Variants in SCAF4 observed in about 807,000 individuals in gnomAD.
SCAF4 encodes the protein SR-related and CTD-associated factor 4.
SCAF4 carries 25 observed loss-of-function variants against 129.8 expected under a neutral mutation model. The ratio of observed to expected loss-of-function variants is 0.19; its 90% CI spans 0.14 to 0.27. The LOEUF is 0.27. Among genes scored for constraint, SCAF4 ranks in the 10% least tolerant of loss-of-function variants. SCAF4 has a pLI of 1.00. For missense variants in SCAF4, 1,246 were observed against 1,457.1 expected, an observed-to-expected ratio of 0.86 and a Z score of 2.36; for synonymous variants, 551 against 497.7, an observed-to-expected ratio of 1.11 and a Z score of -1.43.
At chr21:31,691,710 C>T in intron 14 of SCAF4, 107 bp downstream of exon 14, 1 of 397,744 alleles carries the variant, frequency 2.5e-6, no homozygotes, top group East Asian at 3.8e-5. Context: ...TGAAATGCCT[C>T]AGTGTTGAAA....
intron 19 of SCAF4, 23 bp downstream of exon 19, chr21:31,685,026 A>C (rs1568829035): frequency 1.4e-6 from 2 of 1,432,806 alleles, no homozygotes; most frequent in Non-Finnish European, 9.8e-7. Flanking sequence ...AAGGAAAACT[A>C]ATGATAAAAA....
At chr21:31,702,418 T>G in intron 4 of SCAF4, 39 bp from the exon 5 acceptor site, 1 of 1,579,568 alleles carries the variant, frequency 6.3e-7, no homozygotes, top group Non-Finnish European at 8.7e-7. Flanking sequence ...AATAAATATT[T>G]GCATAAATAA....
chr21:31,682,854 A>C (rs2050028223), intron 19 of SCAF4, among the ~76,000 whole-genome samples: 1 of 152,228 alleles, frequency 6.6e-6, no homozygotes, highest in Non-Finnish European at 1.5e-5. Flanking sequence ...ACATTCCTTT[A>C]TCAAAATGAT....
At chr21:31,728,806 G>C (rs1257337212) in intron 1 of SCAF4, among the ~76,000 whole-genome samples, 1 of 151,766 alleles carries the variant, frequency 6.6e-6, no homozygotes, top group Non-Finnish European at 1.5e-5. Context: ...CCAACTACTT[G>C]CCAAAAATTT....
In SCAF4 at chr21:31,685,674, C is replaced by A. The variant is rs1322945067; in HGVS notation, c.2103G>T (p.Thr701=). The change falls in exon 17 of 20, where the codon ACG becomes ACT. Residue 701 remains threonine, a synonymous_variant. Transcript: ENST00000286835. Reference sequence around the variant, plus strand: ...CTGGAGGCGGTATTCCCAGAGGAGGCGTGAAAGCAGGCGGCTGGAGAGCAC... The same window carrying A: ...CTGGAGGCGGTATTCCCAGAGGAGGAGTGAAAGCAGGCGGCTGGAGAGCAC... ...VVGALQPPAF[T]PPLGIPPPGF... is the part of the protein sequence containing the mutation. The A allele has an allele frequency of 1.2e-6, 2 of 1,612,852 alleles. No individual in the cohort carries two copies. Among genetic ancestry groups the A allele is most frequent in the African/African-American group, 2.7e-5 (2 of 74,846 alleles).
intron 19 of SCAF4, among the ~76,000 whole-genome samples, chr21:31,682,499 C>G (rs1341202558): frequency 6.6e-6 from 1 of 152,142 alleles, no homozygotes; most frequent in Non-Finnish European, 1.5e-5. Context: ...TAAATAACAT[C>G]TATGACATTT....
intron 3 of SCAF4, among the ~76,000 whole-genome samples, chr21:31,704,532 C>CA (rs531735168): frequency 0.065 from 8,183 of 124,998 alleles, 235 homozygotes; most frequent in Non-Finnish European, 0.08. Flanking sequence ...GGAATTTATG[C>CA]AAAAAAAAAA....
rs768005675 is a variant in SCAF4 at position 31,700,850 on chromosome 21, C to T, written c.777+145G>A. The T allele has an allele frequency of 1.1e-5, 10 of 919,642 alleles. No individual in the cohort carries two copies. The Middle Eastern group carries it at 6.4e-4, about 59-fold the overall frequency. 57.0% of individuals were successfully genotyped at this position (919,642 alleles called of 1,614,324 possible). On this transcript the variant is annotated intron_variant, in intron 7 of 19. Transcript: ENST00000286835. Reference sequence around the variant, plus strand: ...CACATTTAAAACCAGGGAAAATAATCGATGTTTTCTTGTTGAGGGGGAAAA... The same window carrying T: ...CACATTTAAAACCAGGGAAAATAATTGATGTTTTCTTGTTGAGGGGGAAAA...
chr21:31,694,156 T>C (rs762743663), intron 11 of SCAF4, 48 bp downstream of exon 11: 1 of 972,112 alleles, frequency 1.0e-6, no homozygotes, highest in Non-Finnish European at 1.6e-6. Flanking sequence ...TTAATTTCTA[T>C]GTCCCCTAAG....
chr21:31,691,037 A>G, intron 14 of SCAF4, 84 bp from the exon 15 acceptor site: 1 of 1,199,374 alleles, frequency 8.3e-7, no homozygotes, highest in Non-Finnish European at 1.2e-6. Context: ...CATTCTATCC[A>G]TTCCGACTCG....
At chr21:31,716,397 T>C (rs2050920367) in intron 1 of SCAF4, among the ~76,000 whole-genome samples, 2 of 152,104 alleles carry the variant, frequency 1.3e-5, no homozygotes, top group Admixed American at 1.3e-4. Flanking sequence ...ATACTCACAA[T>C]GACAGGCTAG....
intron 10 of SCAF4, 58 bp from the exon 11 acceptor site, chr21:31,694,347 A>G: frequency 9.7e-7 from 1 of 1,033,560 alleles, no homozygotes; most frequent in African/African-American, 1.6e-5. Flanking sequence ...AAGCAAGAGG[A>G]CAAAATCTAA....
chr21:31,692,958 T>C (rs865947669), intron 12 of SCAF4, among the ~76,000 whole-genome samples: 3 of 152,348 alleles, frequency 2.0e-5, no homozygotes, highest in Middle Eastern at 3.4e-3. Context: ...ATCTTAGTCA[T>C]CTTAATAGTT....
At chr21:31,711,196 G>A (rs1003792117) in intron 1 of SCAF4, among the ~76,000 whole-genome samples, 4 of 152,218 alleles carry the variant, frequency 2.6e-5, no homozygotes, top group Admixed American at 2.0e-4. Context: ...TATAATTTAC[G>A]AAGAAAAACA....
intron 19 of SCAF4, among the ~76,000 whole-genome samples, chr21:31,680,685 G>A (rs907062364): frequency 2.6e-5 from 4 of 152,084 alleles, no homozygotes; most frequent in Non-Finnish European, 4.4e-5. Context: ...CTACTTTCTA[G>A]AATTTTCTTC....
intron 1 of SCAF4, among the ~76,000 whole-genome samples, chr21:31,709,889 T>G (rs542520877): frequency 6.6e-6 from 1 of 152,050 alleles, no homozygotes; most frequent in African/African-American, 2.4e-5. Context: ...CTGTTTTAGA[T>G]GATGCCTAGG....
chr21:31,711,131 TA>T (rs1277231564), intron 1 of SCAF4, among the ~76,000 whole-genome samples: 4 of 152,240 alleles, frequency 2.6e-5, no homozygotes, highest in African/African-American at 9.6e-5. Context: ...GGATGACTTT[TA>T]TTCTCCTTTA....
intron 2 of SCAF4, among the ~76,000 whole-genome samples, 181 bp downstream of exon 2, chr21:31,706,093 C>T (rs2050655713): frequency 6.6e-6 from 1 of 152,216 alleles, no homozygotes; most frequent in Non-Finnish European, 1.5e-5. Context: ...AAAAACCACA[C>T]TGCTTTGAAA....
chr21:31,683,477 T>C (rs1568827693), intron 19 of SCAF4, among the ~76,000 whole-genome samples: 1 of 152,366 alleles, frequency 6.6e-6, no homozygotes, highest in Non-Finnish European at 1.5e-5. Flanking sequence ...CGCTTCACAG[T>C]TGCTTGAAAG....
Sources: gnomAD v4.1 joint callset for allele counts (sites outside exome capture counted in the v4.1 genomes callset) on GRCh38, gnomAD v4.1.1 for gene constraint, MANE v1.5 for transcripts, NCBI Gene and HGNC (gene_info 2026-07-23, HGNC 2026-07-21) for gene names.